The following SPRYD3 variants were observed in gnomAD, a reference collection of about 807,000 sequenced individuals.
The protein encoded by SPRYD3 is SPRY domain containing 3.
In SPRYD3, 17 loss-of-function variants were observed where a neutral mutation model predicts 50.1. That is an observed-to-expected ratio of 0.34 (90% CI 0.23 to 0.51). The LOEUF (loss-of-function observed/expected upper bound fraction) is 0.51, where lower values mean the gene tolerates loss of function less well. SPRYD3 is among the 20% of genes least tolerant of loss of function. The pLI, the probability that SPRYD3 is intolerant of heterozygous loss-of-function variation, is 0.97. For missense variants in SPRYD3, 401 were observed against 591.2 expected (o/e 0.68, Z 3.34); for synonymous variants, 198 against 215.5 (o/e 0.92, Z 0.71).
Position 53,067,666 on chromosome 12 carries a change from A to C in SPRYD3, c.883T>G (p.Ser295Ala). ...TATTCACCTGCATGATAAGCCACAGACCCTCTGCTCCAGCCAGGGTGCCTG... is the reference window on the plus strand; with the variant it reads ...TATTCACCTGCATGATAAGCCACAGCCCCTCTGCTCCAGCCAGGGTGCCTG... Reference protein sequence around the residue: ...KNRHPGWSRGSVAYHADDGKI... With the variant: ...KNRHPGWSRGAVAYHADDGKI... The change falls in exon 8 of 11, where the codon TCT becomes GCT. Residue 295 changes from serine to alanine, a missense_variant. Ser to Ala is a moderately conservative substitution (Grantham distance 99, BLOSUM62 1). Transcript: ENST00000301463. 3 of 1,613,970 alleles carry C rather than the reference A, an allele frequency of 1.9e-6. No individual in the cohort carries two copies. The highest frequency in any genetic ancestry group is 1.1e-5 in the South Asian group (1 of 91,064).
chr12:53,077,055 C>A, intron 2 of SPRYD3, 60 bp downstream of exon 2: 1 of 1,548,478 alleles, frequency 6.5e-7, no homozygotes, highest in Non-Finnish European at 8.8e-7. Context: ...AAAAAAAAAC[C>A]CTTTCCTCTC....
Position 53,074,541 on chromosome 12 carries a change from T to C in SPRYD3, c.507+108A>G, listed in dbSNP as rs1592266372. 2.2e-6 allele frequency: 3 copies of C among 1,393,306 alleles called. No homozygotes were observed. The East Asian group carries it at 6.9e-5, about 32-fold the overall frequency. 86.3% of individuals were successfully genotyped at this position (1,393,306 alleles called of 1,614,324 possible). On this transcript the variant is annotated intron_variant, in intron 5 of 10. Transcript: ENST00000301463. The surrounding 1 kb of genome is among the most constrained non-coding windows in gnomAD (Gnocchi z 4.6). ...TGGACTGGAGGAGATGGGAACTCAG[T>C]GCAAGGGTCCCTGGGCAAGCCCCAG...
In SPRYD3 at chr12:53,065,647, G is replaced by T; in HGVS notation, c.*185C>A. 1.6e-6 allele frequency: 1 copy of T among 627,332 alleles called. No individual in the cohort carries two copies. The highest frequency in any genetic ancestry group is 2.8e-6 in the Non-Finnish European group (1 of 355,468). 38.9% of individuals were successfully genotyped at this position (627,332 alleles called of 1,614,324 possible). A position where few individuals can be genotyped will look rare whatever the true frequency, so the allele number is the denominator to read the frequency against. On this transcript the variant is annotated 3_prime_UTR_variant, in exon 11 of 11. Coordinates refer to ENST00000301463, the MANE Select transcript of SPRYD3 (RefSeq NM_032840.3). ...GACTCAGGCCCAGGGACTGACAACAGTGGCAGCACCAGGTCAGAAACGTGG... is the reference window on the plus strand; with the variant it reads ...GACTCAGGCCCAGGGACTGACAACATTGGCAGCACCAGGTCAGAAACGTGG...
At chr12:53,079,121 A>T (rs1383638923) in intron 1 of SPRYD3, among the ~76,000 whole-genome samples, 190 bp downstream of exon 1, 2 of 152,048 alleles carry the variant, frequency 1.3e-5, no homozygotes, top group Admixed American at 6.5e-5. Context: ...GCCCCAGCCC[A>T]TCCGTGTGCC....
chr12:53,073,260 C>CGGGGGGGGGGGGCCG, intron 6 of SPRYD3, 26 bp downstream of exon 6: 1 of 416,308 alleles, frequency 2.4e-6, no homozygotes. Context: ...GACCCAGCCC[C>CGGGGGGGGGGGGCCG]TCCCACCCTC....
Position 53,065,654 on chromosome 12 carries a change from C to G in SPRYD3, c.*178G>C. On this transcript the variant is annotated 3_prime_UTR_variant, in exon 11 of 11. Transcript: ENST00000301463. ...GCCCAGGGACTGACAACAGTGGCAG[C>G]ACCAGGTCAGAAACGTGGGCACAGA... is the stretch of plus-strand genomic sequence containing the variant. 1.5e-6 allele frequency: 1 copy of G among 647,550 alleles called. No homozygotes were observed. The allele number at this position is 647,550 out of a possible 1,614,324, so 40.1% of individuals were successfully genotyped here. A position where few individuals can be genotyped will look rare whatever the true frequency, so the allele number is the denominator to read the frequency against.
chr12:53,068,093 T>A, intron 7 of SPRYD3, 62 bp downstream of exon 7: 1 of 1,598,476 alleles, frequency 6.3e-7, no homozygotes, highest in South Asian at 1.1e-5. Context: ...TTCCTGGTGC[T>A]GCCCCAACAG....
At chr12:53,079,233 G>A in intron 1 of SPRYD3, 78 bp downstream of exon 1, 1 of 1,182,648 alleles carries the variant, frequency 8.5e-7, no homozygotes, top group Non-Finnish European at 1.2e-6. Context: ...CAGAGCCCCC[G>A]CCCAGGACCC....
At chr12:53,075,588 T>C (rs1004553491) in intron 3 of SPRYD3, 148 bp downstream of exon 3, 29 of 662,930 alleles carry the variant, frequency 4.4e-5, no homozygotes, top group Non-Finnish European at 7.3e-5. Context: ...GGGGCCATGC[T>C]ATCCTGCACC....
In SPRYD3 at chr12:53,066,699, G is replaced by A; in HGVS notation, c.902-7C>T. 1 of 1,602,554 alleles carries A rather than the reference G, an allele frequency of 6.2e-7. No individual in the cohort carries two copies. The highest frequency in any genetic ancestry group is 8.5e-7 in the Non-Finnish European group (1 of 1,173,272). On this transcript the variant is annotated splice_region_variant and splice_polypyrimidine_tract_variant and intron_variant, in intron 8 of 10. Transcript: ENST00000301463. The stretch of plus-strand genomic sequence containing the variant: ...TGGAAGATCTTCCCATCGTCTGTTG[G>A]AGGGAGGGGAAAGGACAAACACTTG...
intron 1 of SPRYD3, chr12:53,078,243 C>T: frequency 3.1e-6 from 1 of 323,592 alleles, no homozygotes; most frequent in Non-Finnish European, 6.3e-6. Context: ...GATCCCAGCA[C>T]TTTGGGAGGC....
Position 53,074,030 on chromosome 12 carries a change from C to T in SPRYD3, c.508-559G>A, listed in dbSNP as rs1415296784. ...GACTTGCTGCCAAATACTTTCAGTA[C>T]GTGTGCTGGACAGGAGAGTGCCGAG... On this transcript the variant is annotated intron_variant, in intron 5 of 10. Transcript: ENST00000301463. The surrounding 1 kb of genome is among the most constrained non-coding windows in gnomAD (Gnocchi z 4.6). Among the ~76,000 whole-genome samples the T allele has an allele frequency of 6.6e-6, 1 of 152,078 alleles. No homozygotes were observed. The highest frequency in any genetic ancestry group is 2.4e-5 in the African/African-American group (1 of 41,396).
rs755551227 is a variant in SPRYD3 at position 53,067,705 on chromosome 12, C to T, written c.844G>A (p.Asp282Asn). ...CYIALGLARK[D>N]YPKNRHPGWS... The stretch of plus-strand genomic sequence containing the variant: ...CCAGGGTGCCTGTTCTTGGGATAGT[C>T]CTGCACCAAGAAGAGAAAAGAAAAT... Residue 282 changes from aspartate to asparagine, a missense_variant and splice_region_variant, in exon 8 of 11, where the codon GAC becomes AAC. Transcript: ENST00000301463. 1 of 1,613,642 alleles carries T rather than the reference C, an allele frequency of 6.2e-7. No individual in the cohort carries two copies.
At chr12:53,079,137 CCA>C (rs2121212998) in intron 1 of SPRYD3, among the ~76,000 whole-genome samples, 172 bp downstream of exon 1, 2 of 152,328 alleles carry the variant, frequency 1.3e-5, no homozygotes, top group Non-Finnish European at 2.9e-5. Flanking sequence ...GTGCCTACGC[CCA>C]GTCTCCCCAG....
chr12:53,075,768 G>A lies in SPRYD3; in HGVS notation c.214C>T (p.Arg72Ter), dbSNP rs1479902427. 4 of 1,614,052 alleles carry A rather than the reference G, an allele frequency of 2.5e-6. No homozygotes were observed. The highest frequency in any genetic ancestry group is 3.4e-6 in the Non-Finnish European group (4 of 1,179,980). The change falls in exon 3 of 11, where the codon CGA becomes TGA. Residue 72 changes from arginine to a stop codon, truncating the protein, a stop_gained. Coordinates refer to ENST00000301463, the MANE Select transcript of SPRYD3 (RefSeq NM_032840.3). LOFTEE classifies it high-confidence loss of function. ...TAATTGCTGTCCTTGGTCAGGGGTCGAGAAGCCACGTAGCAGCCAACTTCA... is the reference window on the plus strand; with the variant it reads ...TAATTGCTGTCCTTGGTCAGGGGTCAAGAAGCCACGTAGCAGCCAACTTCA... ...SGEVGCYVASRPLTKDSNYFE... is the reference protein window; with the variant it reads ...SGEVGCYVAS
Position 53,064,329 on chromosome 12 carries a change from A to G in SPRYD3, c.*1503T>C, listed in dbSNP as rs1018518617. 1 of 162,068 alleles carries G rather than the reference A, an allele frequency of 6.2e-6. No homozygotes were observed. The highest frequency in any genetic ancestry group is 6.2e-5 in the Admixed American group (1 of 16,250). 10.0% of individuals were successfully genotyped at this position (162,068 alleles called of 1,614,324 possible). Reference sequence around the variant, plus strand: ...GGATCACATGAATAGGGGAAAAAAGAGAGTCTATTTTTGTCTAATAATAAA... The same window carrying G: ...GGATCACATGAATAGGGGAAAAAAGGGAGTCTATTTTTGTCTAATAATAAA... On this transcript the variant is annotated 3_prime_UTR_variant, in exon 11 of 11. Transcript: ENST00000301463.
At position 53,068,175 on chromosome 12, in the gene SPRYD3, C is replaced by T. The variant is rs1944523731; in HGVS notation, c.823G>A (p.Ala275Thr). 6.2e-7 allele frequency: 1 copy of T among 1,614,240 alleles called. No individual in the cohort carries two copies. The highest frequency in any genetic ancestry group is 8.5e-7 in the Non-Finnish European group (1 of 1,180,032). ...CCCACCTTCCGTGCCAGCCCCAGGG[C>T]GATGTAGCATTTCTCTCCAGGGTCC... is the stretch of plus-strand genomic sequence containing the variant. ...IVDPGEKCYI[A>T]LGLARKDYPK... Residue 275 changes from alanine (A) to threonine (T), a missense_variant, in exon 7 of 11, where the codon GCC becomes ACC. By Grantham distance (58) the Ala-to-Thr change is moderately conservative (BLOSUM62 0). Coordinates refer to ENST00000301463, the MANE Select transcript of SPRYD3 (RefSeq NM_032840.3).
In SPRYD3 at chr12:53,066,556, AC is replaced by A. The variant is rs201218863; in HGVS notation, c.1021+16del. On this transcript the variant is annotated intron_variant, in intron 9 of 10. Transcript: ENST00000301463. The stretch of plus-strand genomic sequence containing the variant: ...TCGGCCCCAAGCAGCCTGGCTGGCC[AC>A]CCCTACCCCACTCACCCTCACTGTC... The A allele has an allele frequency of 0.019, 30,297 of 1,613,834 alleles. 384 individuals are homozygous for A. The highest frequency in any genetic ancestry group is 0.044 in the Middle Eastern group (268 of 6,062).
intron 1 of SPRYD3, chr12:53,078,283 TGAA>T (rs1417046458): frequency 3.4e-6 from 1 of 292,618 alleles, no homozygotes; most frequent in Non-Finnish European, 7.0e-6. Flanking sequence ...GGTCAGAAGT[TGAA>T]GACCAGCCTG....
Sources: gnomAD v4.1 joint callset for allele counts (sites outside exome capture counted in the v4.1 genomes callset) on GRCh38, gnomAD v4.1.1 for gene constraint, Gnocchi (gnomAD v3.1) non-coding constraint, MANE v1.5 for transcripts, NCBI Gene and HGNC (gene_info 2026-07-23, HGNC 2026-07-21) for gene names.